GOLPH3: variants seen among roughly 807,000 people sequenced by gnomAD.
The protein encoded by GOLPH3 is golgi phosphoprotein 3.
In GOLPH3, 14 loss-of-function variants were observed where a neutral mutation model predicts 28.5. The ratio of observed to expected loss-of-function variants is 0.49; its 90% CI spans 0.32 to 0.77. The LOEUF (loss-of-function observed/expected upper bound fraction) is 0.77. GOLPH3 is among the 30% of genes least tolerant of loss of function. The probability of loss-of-function intolerance (pLI) is 0.03; values close to 1 mark genes in which losing one functional copy is unlikely to be tolerated. For missense variants in GOLPH3, 350 were observed against 393.7 expected, an observed-to-expected ratio of 0.89 and a Z score of 0.94; for synonymous variants, 158 against 159.2, an observed-to-expected ratio of 0.99 and a Z score of 0.06.
In GOLPH3 at chr5:32,151,657, G is replaced by A. The variant is rs537418298; in HGVS notation, c.226-7777C>T. ...ATTTAAAATACATGAGACCTTAACAGCAAAAAGAAACCCACCTAATTCAAA... is the reference window on the plus strand; with the variant it reads ...ATTTAAAATACATGAGACCTTAACAACAAAAAGAAACCCACCTAATTCAAA... On this transcript the variant is annotated intron_variant, in intron 1 of 3. Coordinates refer to ENST00000265070, the MANE Select transcript of GOLPH3 (RefSeq NM_022130.4). 4.3e-4 allele frequency among the ~76,000 whole-genome samples: 66 copies of A among 151,990 alleles called. 1 individual carries two copies. The highest frequency in any genetic ancestry group is 4.1e-3 in the Admixed American group (62 of 15,258).
intron 1 of GOLPH3, among the ~76,000 whole-genome samples, chr5:32,165,439 C>A (rs1746689886): frequency 6.6e-6 from 1 of 152,020 alleles, no homozygotes; most frequent in Non-Finnish European, 1.5e-5. Context: ...AAAAAGTACC[C>A]CTGTGTGGTG....
At chr5:32,129,385 C>T (rs2111834859) in intron 3 of GOLPH3, among the ~76,000 whole-genome samples, 1 of 152,250 alleles carries the variant, frequency 6.6e-6, no homozygotes, top group East Asian at 1.9e-4. Context: ...TAAATGTTAG[C>T]TATTATTTGC....
intron 1 of GOLPH3, among the ~76,000 whole-genome samples, chr5:32,171,510 T>C (rs1263044952): frequency 1.3e-5 from 2 of 152,068 alleles, no homozygotes; most frequent in Non-Finnish European, 2.9e-5. Context: ...TTCAGGTTTT[T>C]GTTTTCCACC....
intron 3 of GOLPH3, among the ~76,000 whole-genome samples, chr5:32,129,745 G>C (rs1745782498): frequency 6.6e-6 from 1 of 152,166 alleles, no homozygotes; most frequent in Non-Finnish European, 1.5e-5. Flanking sequence ...AGGGAGAGAA[G>C]CCTGAATTCC....
rs1459872832 is a variant in GOLPH3, at chr5:32,125,363, C to CA, written c.*848dup. The CA allele has an allele frequency of 2.0e-5, 3 of 152,602 alleles. No homozygotes were observed. The highest frequency in any genetic ancestry group is 7.2e-5 in the African/African-American group (3 of 41,436). 9.5% of individuals were successfully genotyped at this position (152,602 alleles called of 1,614,324 possible). ...AAAGAGTACCATAAATGGCACAGCT[C>CA]AAAAAATCCCAGGACCAATCAGACA... On this transcript the variant is annotated 3_prime_UTR_variant, in exon 4 of 4. Transcript: ENST00000265070.
intron 1 of GOLPH3, among the ~76,000 whole-genome samples, chr5:32,158,568 T>C (rs1400275510): frequency 6.6e-6 from 1 of 151,996 alleles, no homozygotes; most frequent in Non-Finnish European, 1.5e-5. Flanking sequence ...CATCAGCAAG[T>C]CCATCTCCAC....
Position 32,126,436 on chromosome 5 carries a change from AT to A in GOLPH3, c.672del (p.Lys224AsnfsTer3). On this transcript the variant is annotated frameshift_variant, in exon 4 of 4. Coordinates refer to ENST00000265070, the MANE Select transcript of GOLPH3 (RefSeq NM_022130.4). LOFTEE classifies it high-confidence loss of function. ...TCCATGCGGTGAGGGTCATTCACCC[AT>A]TTGTCAAGAACGGCTTCCTGTACTT... is the stretch of plus-strand genomic sequence containing the variant. ...IKKVQEAVLDKWVNDPHRMDR... is the reference protein window; with the variant it reads ...IKKVQEAVLDXWVNDPHRMDR... 1 of 1,614,170 alleles carries A rather than the reference AT, an allele frequency of 6.2e-7. No individual in the cohort carries two copies. The highest frequency in any genetic ancestry group is 8.5e-7 in the Non-Finnish European group (1 of 1,180,032).
intron 2 of GOLPH3, among the ~76,000 whole-genome samples, chr5:32,138,808 T>C (rs910969569): frequency 6.6e-6 from 1 of 152,204 alleles, no homozygotes; most frequent in Admixed American, 6.5e-5. Flanking sequence ...ATATTGAACA[T>C]ACAGATCATT....
intron 2 of GOLPH3, among the ~76,000 whole-genome samples, chr5:32,138,154 G>A (rs966039902): frequency 3.3e-5 from 5 of 151,926 alleles, no homozygotes; most frequent in Admixed American, 6.6e-5. Context: ...TGTCCACCTC[G>A]GCCTCCCAAA....
Position 32,131,145 on chromosome 5 carries a change from T to C in GOLPH3, c.472+4427A>G, listed in dbSNP as rs926346557. ...AACCCCGTGTGCTCACTCCAACAAA[T>C]AGACGGTTATTCAGATCTCCTCAAG... is the stretch of plus-strand genomic sequence containing the variant. On this transcript the variant is annotated intron_variant, in intron 3 of 3. Coordinates refer to ENST00000265070, the MANE Select transcript of GOLPH3 (RefSeq NM_022130.4). Among the ~76,000 whole-genome samples, 38 of 152,162 alleles carry C rather than the reference T, an allele frequency of 2.5e-4. 1 individual carries two copies. Among genetic ancestry groups the C allele is most frequent in the Non-Finnish European group, 2.2e-4 (15 of 68,028 alleles).
rs1477469003 is a variant in GOLPH3, at chr5:32,158,024, AC to A, written c.226-14145del. Among the ~76,000 whole-genome samples, 40 of 9,234 alleles carry A rather than the reference AC, an allele frequency of 4.3e-3. 2 individuals are homozygous for A. Among genetic ancestry groups the A allele is most frequent in the African/African-American group, 6.4e-3 (23 of 3,594 alleles). The allele number at this position is 9,234 out of a possible 152,430, so 6.1% of individuals were successfully genotyped here. A position where few individuals can be genotyped will look rare whatever the true frequency, so the allele number is the denominator to read the frequency against. On this transcript the variant is annotated intron_variant, in intron 1 of 3. Transcript: ENST00000265070. ...AAATAAATAAATAAATAAATAAAAT[AC>A]ACACACACACACACACACACACACA...
chr5:32,127,654 G>A (rs1745713851), intron 3 of GOLPH3, among the ~76,000 whole-genome samples: 2 of 152,198 alleles, frequency 1.3e-5, no homozygotes. Context: ...ATCAAAGAAA[G>A]TTCTAGCGGA....
rs1444599239 is a variant in GOLPH3 at position 32,173,945 on chromosome 5, G to A, written c.90C>T (p.Gly30=). The change falls in exon 1 of 4, where the codon GGC becomes GGT. Residue 30 remains glycine (G), a synonymous_variant. Transcript: ENST00000265070. ...RNAADKERAA[G]GGAGSSEDDA... The stretch of plus-strand genomic sequence containing the variant: ...CGTCCTCGCTGCTGCCGGCGCCGCC[G>A]CCCGCCGCCCGCTCCTTGTCGGCGG... 3 of 1,463,888 alleles carry A rather than the reference G, an allele frequency of 2.0e-6. No individual in the cohort carries two copies. The highest frequency in any genetic ancestry group is 2.5e-5 in the Admixed American group (1 of 40,466). The allele number at this position is 1,463,888 out of a possible 1,614,324, so 90.7% of individuals were successfully genotyped here.
intron 1 of GOLPH3, among the ~76,000 whole-genome samples, chr5:32,149,733 A>C (rs1230118969): frequency 6.6e-6 from 1 of 152,238 alleles, no homozygotes; most frequent in African/African-American, 2.4e-5. Flanking sequence ...ACTGTGGCTC[A>C]CGCCTGTAAT....
Position 32,125,619 on chromosome 5 carries a change from T to C in GOLPH3, c.*593A>G, listed in dbSNP as rs1273681361. On this transcript the variant is annotated 3_prime_UTR_variant, in exon 4 of 4. Transcript: ENST00000265070. ...GCTCTGTGAAACAATTGGACCTTTATAGTTAAAATTATAACAAGTGTAATA... is the reference window on the plus strand; with the variant it reads ...GCTCTGTGAAACAATTGGACCTTTACAGTTAAAATTATAACAAGTGTAATA... 1.3e-5 allele frequency: 2 copies of C among 152,750 alleles called. No individual in the cohort carries two copies. The highest frequency in any genetic ancestry group is 6.5e-5 in the Admixed American group (1 of 15,284). The allele number at this position is 152,750 out of a possible 1,614,324, so 9.5% of individuals were successfully genotyped here.
chr5:32,167,539 A>G (rs771172424), intron 1 of GOLPH3, among the ~76,000 whole-genome samples: 4 of 152,216 alleles, frequency 2.6e-5, no homozygotes, highest in African/African-American at 4.8e-5. Context: ...TCCAAAATTA[A>G]CAAATATCAA....
At chr5:32,148,069 G>A (rs921138685) in intron 1 of GOLPH3, among the ~76,000 whole-genome samples, 4 of 152,188 alleles carry the variant, frequency 2.6e-5, no homozygotes, top group African/African-American at 9.6e-5. Context: ...CAAAGAACAT[G>A]ACTGAATAAA....
intron 2 of GOLPH3, among the ~76,000 whole-genome samples, chr5:32,139,970 C>T (rs973598764): frequency 2.3e-4 from 35 of 152,124 alleles, no homozygotes; most frequent in African/African-American, 8.5e-4. Flanking sequence ...TAGAAGACAA[C>T]TCTTTAAGAG....
intron 2 of GOLPH3, among the ~76,000 whole-genome samples, chr5:32,137,514 C>G (rs951218671): frequency 6.6e-6 from 1 of 151,624 alleles, no homozygotes; most frequent in African/African-American, 2.4e-5. Flanking sequence ...CAAAAATTAG[C>G]CAGGTGTGGT....
Sources: gnomAD v4.1 joint callset for allele counts (sites outside exome capture counted in the v4.1 genomes callset) on GRCh38, gnomAD v4.1.1 for gene constraint, MANE v1.5 for transcripts, NCBI Gene and HGNC (gene_info 2026-07-23, HGNC 2026-07-21) for gene names.